Variants in COQ7 observed in about 807,000 individuals in gnomAD.
COQ7 encodes the protein coenzyme Q7, hydroxylase, also known as NADPH-dependent 3-demethoxyubiquinone 3-hydroxylase, mitochondrial.
COQ7 carries 21 observed loss-of-function variants against 25.0 expected under a neutral mutation model. The observed-to-expected ratio is 0.84, with a 90% CI of 0.60 to 1.21. COQ7 has a LOEUF of 1.21. Among genes scored for constraint, COQ7 ranks in the 50% most tolerant of loss-of-function variants. COQ7 has a pLI of 0.00. For synonymous variants in COQ7, 125 were observed against 112.4 expected (o/e 1.11, Z -0.71); for missense variants, 311 against 296.2 (o/e 1.05, Z -0.37).
intron 4 of COQ7, among the ~76,000 whole-genome samples, chr16:19,077,002 GTTTAGTT>G (rs1164465636): frequency 6.6e-6 from 1 of 152,252 alleles, no homozygotes; most frequent in Non-Finnish European, 1.5e-5. Context: ...TAAGGGAACT[GTTTAGTT>G]TTTTAGAGTC....
At chr16:19,075,430 C>A (rs1406294457) in intron 3 of COQ7, among the ~76,000 whole-genome samples, 2 of 56,016 alleles carry the variant, frequency 3.6e-5, no homozygotes, top group African/African-American at 8.5e-5. Flanking sequence ...GAACTCCTGA[C>A]CTCAGGTGAT....
rs1326018864 is a variant in COQ7 at position 19,070,781 on chromosome 16, C to T, written c.74-1147C>T. Among the ~76,000 whole-genome samples the T allele has an allele frequency of 2.6e-5, 4 of 151,804 alleles. No individual in the cohort carries two copies. In the East Asian group the frequency reaches 7.7e-4, roughly 29 times the overall value. On this transcript the variant is annotated intron_variant, in intron 1 of 5. Transcript: ENST00000321998. ...AAAAAAAAGTGATACCAGTGCAGATCGAAGCTACCATTACAAACTAAATGA... is the reference window on the plus strand; with the variant it reads ...AAAAAAAAGTGATACCAGTGCAGATTGAAGCTACCATTACAAACTAAATGA...
chr16:19,071,125 G>A (rs1596821977), intron 1 of COQ7, among the ~76,000 whole-genome samples: 1 of 145,388 alleles, frequency 6.9e-6, no homozygotes, highest in East Asian at 2.0e-4. Flanking sequence ...TTTTTTTTCT[G>A]TTTTTGTTTG....
At chr16:19,078,032 GA>G in intron 5 of COQ7, 48 bp from the exon 6 acceptor site, 3 of 1,475,148 alleles carry the variant, frequency 2.0e-6, no homozygotes, top group Non-Finnish European at 1.8e-6. Flanking sequence ...TCTTACAACC[GA>G]AAATGAGCAC....
chr16:19,067,827 A>G, intron 1 of COQ7, 90 bp downstream of exon 1: 1 of 1,531,290 alleles, frequency 6.5e-7, no homozygotes, highest in Non-Finnish European at 8.7e-7. Context: ...GTCACGGGGG[A>G]GAGGTTCGTA....
downstream of COQ7, among the ~76,000 whole-genome samples, chr16:19,081,602 A>G (rs1963100616): frequency 6.6e-6 from 1 of 152,250 alleles, no homozygotes; most frequent in African/African-American, 2.4e-5. Flanking sequence ...CTTTTCTGAT[A>G]TTCCTTATGG....
rs181943359 is a variant in COQ7 at position 19,075,496 on chromosome 16, C to T, written c.368-225C>T. ...TAGGCGTGATCCATTGTGCCCAGCC[C>T]TCGGGACAGTTTTGATTGTCAAAAC... On this transcript the variant is annotated intron_variant, in intron 3 of 5. Coordinates refer to ENST00000321998, the MANE Select transcript of COQ7 (RefSeq NM_016138.5). Among the ~76,000 whole-genome samples, 12 of 152,198 alleles carry T rather than the reference C, an allele frequency of 7.9e-5. No individual in the cohort carries two copies. In the East Asian group the frequency reaches 1.7e-3, roughly 22 times the overall value.
downstream of COQ7, among the ~76,000 whole-genome samples, chr16:19,081,963 G>A (rs947814162): frequency 1.3e-5 from 2 of 152,068 alleles, no homozygotes; most frequent in Non-Finnish European, 2.9e-5. Flanking sequence ...GGAGGTTGCC[G>A]TGAGTTGAGA....
At chr16:19,075,948 T>A (rs1331685103) in intron 4 of COQ7, 88 bp downstream of exon 4, 1 of 1,551,934 alleles carries the variant, frequency 6.4e-7, no homozygotes, top group African/African-American at 1.4e-5. Context: ...TAGAGATTGT[T>A]AGGGGATGAT....
chr16:19,074,135 C>T, intron 3 of COQ7, 100 bp downstream of exon 3: 1 of 800,390 alleles, frequency 1.2e-6, no homozygotes, highest in Non-Finnish European at 2.0e-6. Flanking sequence ...CCTCTTATGA[C>T]CTCATTCTGT....
chr16:19,076,751 C>T (rs2142392532), intron 4 of COQ7, among the ~76,000 whole-genome samples: 1 of 152,022 alleles, frequency 6.6e-6, no homozygotes, highest in Non-Finnish European at 1.5e-5. Flanking sequence ...ACCACCACGC[C>T]CAGCTAATTT....
At position 19,079,173 on chromosome 16, in the gene COQ7, C is replaced by T. The variant is rs554467776; in HGVS notation, c.*1015C>T. On this transcript the variant is annotated 3_prime_UTR_variant, in exon 6 of 6. Transcript: ENST00000321998. ...TATGAGACTTCTCTGAGGAAGCAGA[C>T]CCTTCACAAGCAAAATCAGCCAGCA... The T allele has an allele frequency of 6.6e-5, 10 of 152,334 alleles. No individual in the cohort carries two copies. The highest frequency in any genetic ancestry group is 4.6e-4 in the Admixed American group (7 of 15,284). 9.4% of individuals were successfully genotyped at this position (152,334 alleles called of 1,614,324 possible). A position where few individuals can be genotyped will look rare whatever the true frequency, so the allele number is the denominator to read the frequency against.
chr16:19,073,433 C>G (rs80240549), intron 2 of COQ7, among the ~76,000 whole-genome samples: 3 of 152,092 alleles, frequency 2.0e-5, no homozygotes, highest in African/African-American at 7.2e-5. Context: ...GTTGAGGCTG[C>G]GGTGAGCCAT....
chr16:19,078,016 C>G (rs1201489561), intron 5 of COQ7, 65 bp from the exon 6 acceptor site: 16 of 1,279,806 alleles, frequency 1.3e-5, no homozygotes, highest in Middle Eastern at 1.9e-4. Context: ...CCCTGCCAGC[C>G]CTGAATCTTA....
downstream of COQ7, among the ~76,000 whole-genome samples, chr16:19,083,064 G>A (rs1465971603): frequency 6.6e-6 from 1 of 152,126 alleles, no homozygotes; most frequent in Non-Finnish European, 1.5e-5. Flanking sequence ...AAATTTACTG[G>A]ATCATACATG....
chr16:19,082,217 A>G (rs146546047), downstream of COQ7, among the ~76,000 whole-genome samples: 56 of 152,344 alleles, frequency 3.7e-4, no homozygotes, highest in East Asian at 0.011. Context: ...CCTTAAAAAT[A>G]TTATGCTTGG....
chr16:19,077,779 G>A (rs1962936505), intron 5 of COQ7, among the ~76,000 whole-genome samples: 1 of 151,464 alleles, frequency 6.6e-6, no homozygotes, highest in South Asian at 2.1e-4. Flanking sequence ...TTTTAGTGGA[G>A]ACCGAGTTTT....
rs1321660320 is a variant in COQ7 at position 19,072,121 on chromosome 16, A to C, written c.252+15A>C. 4 of 1,613,724 alleles carry C rather than the reference A, an allele frequency of 2.5e-6. No homozygotes were observed. The African/African-American group carries it at 5.3e-5, about 22-fold the overall frequency. On this transcript the variant is annotated intron_variant, in intron 2 of 5. Coordinates refer to ENST00000321998, the MANE Select transcript of COQ7 (RefSeq NM_016138.5). Reference sequence around the variant, plus strand: ...CAGTCATTCAGGTGGGTGCTTCTTCATCTCCCTCACCCTGGTCTACTGAAT... The same window carrying C: ...CAGTCATTCAGGTGGGTGCTTCTTCCTCTCCCTCACCCTGGTCTACTGAAT...
intron 5 of COQ7, 38 bp from the exon 6 acceptor site, chr16:19,078,043 C>T (rs754314006): frequency 1.6e-5 from 25 of 1,535,368 alleles, no homozygotes; most frequent in Admixed American, 3.8e-5. Context: ...AAAATGAGCA[C>T]ATAACATGTT....
Sources: allele counts gnomAD v4.1 joint callset (sites outside exome capture counted in the v4.1 genomes callset), GRCh38; gene constraint gnomAD v4.1.1; transcripts MANE v1.5; gene names NCBI Gene and HGNC (gene_info 2026-07-23, HGNC 2026-07-21).